Variants in COL5A2 observed in about 807,000 individuals in gnomAD.
COL5A2 encodes collagen type V alpha 2 chain, also known as collagen alpha-2(V) chain.
A neutral mutation model predicts 208.2 loss-of-function variants in COL5A2; 23 were observed. That is an observed-to-expected ratio of 0.11 (90% CI 0.08 to 0.16). The LOEUF (loss-of-function observed/expected upper bound fraction) is 0.16, where lower values mean the gene tolerates loss of function less well. Ranked by LOEUF, COL5A2 falls within the 10% of genes least tolerant of loss-of-function variation. The pLI is 1.00. For missense variants in COL5A2, 1,590 were observed against 1,956.4 expected, an observed-to-expected ratio of 0.81 and a Z score of 3.53; for synonymous variants, 625 against 628.5, an observed-to-expected ratio of 0.99 and a Z score of 0.08.
At chr2:189,250,681 C>G in the COL5A2 span, among the ~76,000 whole-genome samples, 1 of 152,082 alleles carries the variant, frequency 6.6e-6, no homozygotes, top group Non-Finnish European at 1.5e-5. Context: ...TTAATTCCAT[C>G]CCCTATCATA....
chr2:189,231,180 A>G, the COL5A2 span, among the ~76,000 whole-genome samples: 2 of 151,916 alleles, frequency 1.3e-5, no homozygotes, highest in Admixed American at 6.6e-5. Flanking sequence ...GAGGATGGGA[A>G]AATGAGGAGT....
intron 1 of COL5A2, among the ~76,000 whole-genome samples, chr2:189,147,026 A>G (rs1576555610): frequency 2.6e-5 from 4 of 152,344 alleles, no homozygotes; most frequent in Middle Eastern, 6.8e-3. Context: ...AAAATGTCAA[A>G]CAGAGGAAGG....
At chr2:189,433,818 C>G in the COL5A2 span, among the ~76,000 whole-genome samples, 1 of 152,184 alleles carries the variant, frequency 6.6e-6, no homozygotes, top group South Asian at 2.1e-4. Flanking sequence ...GAGAATCCTC[C>G]CTAACTCATT....
chr2:189,148,114 T>TG (rs1553521187), intron 1 of COL5A2, among the ~76,000 whole-genome samples: 2 of 152,110 alleles, frequency 1.3e-5, no homozygotes, highest in Non-Finnish European at 2.9e-5. Context: ...TACTATTCAC[T>TG]GGGGGGAGGG....
the COL5A2 span, among the ~76,000 whole-genome samples, chr2:189,396,359 C>T: frequency 6.6e-6 from 1 of 152,128 alleles, no homozygotes. Context: ...ACTAAAAATA[C>T]CACCCTCATA....
intron 1 of COL5A2, among the ~76,000 whole-genome samples, chr2:189,208,301 G>A (rs866699990): frequency 6.6e-6 from 1 of 152,150 alleles, no homozygotes; most frequent in East Asian, 1.9e-4. Flanking sequence ...TTTGCACAAT[G>A]TCCATTACAT....
chr2:189,280,234 TA>T, the COL5A2 span, among the ~76,000 whole-genome samples: 1 of 152,200 alleles, frequency 6.6e-6, no homozygotes, highest in African/African-American at 2.4e-5. Flanking sequence ...ACAGAAAGTT[TA>T]AATTAGTTAT....
At chr2:189,111,403 AACT>A (rs1327936317) in intron 1 of COL5A2, among the ~76,000 whole-genome samples, 2 of 152,176 alleles carry the variant, frequency 1.3e-5, no homozygotes, top group African/African-American at 4.8e-5. Flanking sequence ...AGAACTTCCC[AACT>A]ACTTAAATTC....
At chr2:189,230,011 A>G (rs1163677150), upstream of COL5A2, among the ~76,000 whole-genome samples, 1 of 151,848 alleles carries the variant, frequency 6.6e-6, no homozygotes, top group Non-Finnish European at 1.5e-5. Flanking sequence ...ACTAAAATAG[A>G]CAACCCCAAA....
the COL5A2 span, among the ~76,000 whole-genome samples, chr2:189,334,663 T>A: frequency 2.2e-4 from 34 of 152,148 alleles, no homozygotes; most frequent in African/African-American, 7.9e-4. Context: ...CTCCCCAAAT[T>A]GATAGATAGG....
At chr2:189,323,153 T>G in the COL5A2 span, among the ~76,000 whole-genome samples, 1 of 152,128 alleles carries the variant, frequency 6.6e-6, no homozygotes, top group African/African-American at 2.4e-5. Context: ...ATAAATTAGG[T>G]ACTGATGGGA....
the COL5A2 span, among the ~76,000 whole-genome samples, chr2:189,374,463 G>A: frequency 5.9e-5 from 9 of 151,922 alleles, no homozygotes; most frequent in Non-Finnish European, 1.2e-4. Flanking sequence ...CATACTTAAA[G>A]AGATGACTGC....
At chr2:189,232,764 C>G in the COL5A2 span, among the ~76,000 whole-genome samples, 1 of 151,782 alleles carries the variant, frequency 6.6e-6, no homozygotes, top group East Asian at 1.9e-4. Flanking sequence ...CTTCCCTTGC[C>G]CTTTCTCCCA....
At position 189,160,956 on chromosome 2, in the gene COL5A2, G is replaced by A. The variant is rs144315046; in HGVS notation, c.97+18552C>T. On this transcript the variant is annotated intron_variant, in intron 1 of 53. Transcript: ENST00000374866. ...AGTGATTCTCCTGCCTCAGCCACCCGAGTAGCTGGGATTATAGGCATGTGC... is the reference window on the plus strand; with the variant it reads ...AGTGATTCTCCTGCCTCAGCCACCCAAGTAGCTGGGATTATAGGCATGTGC... 1.1e-3 allele frequency among the ~76,000 whole-genome samples: 161 copies of A among 149,986 alleles called. 1 individual carries two copies. In the East Asian group the frequency reaches 0.026, roughly 24 times the overall value.
the COL5A2 span, among the ~76,000 whole-genome samples, chr2:189,286,788 G>C: frequency 1.3e-5 from 2 of 152,016 alleles, no homozygotes; most frequent in African/African-American, 2.4e-5. Context: ...AATTAGTTTT[G>C]TCTGTGATTT....
chr2:189,069,024 C>T lies in COL5A2; in HGVS notation c.1159-140G>A, dbSNP rs954084140. ...AAGAGGATTACAAGAGATGCGTGCC[C>T]AACCAAGCTTAAGGAGCGCACTCAC... On this transcript the variant is annotated intron_variant, in intron 18 of 53. Coordinates refer to ENST00000374866, the MANE Select transcript of COL5A2 (RefSeq NM_000393.5). The T allele has an allele frequency of 4.3e-6, 3 of 700,292 alleles. No individual in the cohort carries two copies. In the African/African-American group the frequency reaches 5.3e-5, roughly 12 times the overall value. 43.4% of individuals were successfully genotyped at this position (700,292 alleles called of 1,614,324 possible). A position where few individuals can be genotyped will look rare whatever the true frequency, so the allele number is the denominator to read the frequency against.
intron 35 of COL5A2, among the ~76,000 whole-genome samples, chr2:189,055,293 G>C (rs888897682): frequency 1.1e-4 from 16 of 152,210 alleles, no homozygotes; most frequent in Non-Finnish European, 2.4e-4. Flanking sequence ...TTAGAGGACA[G>C]TACAGCTAAC....
the COL5A2 span, among the ~76,000 whole-genome samples, chr2:189,396,530 C>A: frequency 2.7e-3 from 404 of 151,642 alleles, no homozygotes; most frequent in African/African-American, 9.2e-3. Context: ...AAAAATTAGC[C>A]GGGCGTGGTG....
intron 1 of COL5A2, among the ~76,000 whole-genome samples, chr2:189,175,544 CTTTTT>C (rs35381713): frequency 8.0e-6 from 1 of 125,394 alleles, no homozygotes; most frequent in East Asian, 2.3e-4. Context: ...AAAAAGAAAA[CTTTTT>C]TTTTTTTTTT....
Sources: allele counts gnomAD v4.1 joint callset (sites outside exome capture counted in the v4.1 genomes callset), GRCh38; gene constraint gnomAD v4.1.1; transcripts MANE v1.5; gene names NCBI Gene and HGNC (gene_info 2026-07-23, HGNC 2026-07-21).